Variants in STT3A observed in about 807,000 individuals in gnomAD.
STT3A encodes the protein STT3 oligosaccharyltransferase complex catalytic subunit A.
Under a neutral mutation model 89.2 loss-of-function variants are expected in STT3A, and 34 were observed. The observed-to-expected ratio is 0.38, with a 90% CI of 0.29 to 0.51. STT3A has a LOEUF of 0.51. Ranked by LOEUF, STT3A falls within the 20% of genes least tolerant of loss-of-function variation. The pLI, the probability that STT3A is intolerant of heterozygous loss-of-function variation, is 0.89. For synonymous variants in STT3A, 282 were observed against 310.3 expected, an observed-to-expected ratio of 0.91 and a Z score of 0.96; for missense variants, 555 against 889.5, an observed-to-expected ratio of 0.62 and a Z score of 4.78.
Position 125,620,847 on chromosome 11 carries a change from A to C in STT3A, c.*37A>C. ...AGCTCTGATATGCTTCGCACTGAGCACATCACATTTAGGACGTTGAAGATT... is the reference window on the plus strand; with the variant it reads ...AGCTCTGATATGCTTCGCACTGAGCCCATCACATTTAGGACGTTGAAGATT... On this transcript the variant is annotated 3_prime_UTR_variant, in exon 18 of 18. Transcript: ENST00000392708. 1 of 1,559,278 alleles carries C rather than the reference A, an allele frequency of 6.4e-7. No individual in the cohort carries two copies. The highest frequency in any genetic ancestry group is 8.7e-7 in the Non-Finnish European group (1 of 1,145,034).
At chr11:125,592,638 C>T (rs2135891391), upstream of STT3A, 1 of 386,228 alleles carries the variant, frequency 2.6e-6, no homozygotes, top group South Asian at 1.9e-5. Context: ...GACTCCTACG[C>T]GCCGGCCTAT....
intron 9 of STT3A, 89 bp downstream of exon 9, chr11:125,608,378 G>T (rs1035991261): frequency 1.9e-5 from 25 of 1,338,994 alleles, no homozygotes; most frequent in Non-Finnish European, 2.5e-5. Context: ...GCAGTGGTGC[G>T]ATCTCGGCTC....
At chr11:125,595,461 TC>T (rs893381966) in intron 1 of STT3A, among the ~76,000 whole-genome samples, 27 of 152,106 alleles carry the variant, frequency 1.8e-4, no homozygotes, top group Non-Finnish European at 3.2e-4. Flanking sequence ...ATTTCCTGCT[TC>T]CCCCCCTCCG....
In STT3A at chr11:125,613,353, G is replaced by A. The variant is rs1940082756; in HGVS notation, c.1554+176G>A. On this transcript the variant is annotated intron_variant, in intron 13 of 17. Coordinates refer to ENST00000392708, the MANE Select transcript of STT3A (RefSeq NM_152713.5). The surrounding 1 kb of genome is among the most constrained non-coding windows in gnomAD (Gnocchi z 4.2). ...CCTCCATTCAATTCTGGGATCTTTT[G>A]TAGTTACTCTTACTAGTAATTATCT... Among the ~76,000 whole-genome samples the A allele has an allele frequency of 6.6e-6, 1 of 152,118 alleles. No individual in the cohort carries two copies. Among genetic ancestry groups the A allele is most frequent in the African/African-American group, 2.4e-5 (1 of 41,406 alleles).
At chr11:125,616,473 A>G (rs748011809) in intron 15 of STT3A, among the ~76,000 whole-genome samples, 2 of 152,202 alleles carry the variant, frequency 1.3e-5, no homozygotes, top group Non-Finnish European at 2.9e-5. Context: ...ACCCACAGAT[A>G]TGGAAGGCCA....
intron 5 of STT3A, 78 bp from the exon 6 acceptor site, chr11:125,604,079 A>T (rs904941548): frequency 9.0e-6 from 13 of 1,452,042 alleles, no homozygotes; most frequent in Non-Finnish European, 1.9e-6. Flanking sequence ...CATTATAAAC[A>T]GAATGGACTA....
chr11:125,616,538 T>C (rs1435117204), intron 15 of STT3A, among the ~76,000 whole-genome samples: 1 of 152,258 alleles, frequency 6.6e-6, no homozygotes, highest in Non-Finnish European at 1.5e-5. Context: ...AAATTATTCA[T>C]TGGGCTTTAC....
chr11:125,600,640 G>C (rs962302039), intron 3 of STT3A, among the ~76,000 whole-genome samples: 6 of 152,036 alleles, frequency 3.9e-5, no homozygotes, highest in Non-Finnish European at 5.9e-5. Flanking sequence ...TGGGATTACA[G>C]GTGTTATCTA....
chr11:125,617,942 T>C (rs1404499545), intron 15 of STT3A, among the ~76,000 whole-genome samples: 3 of 152,220 alleles, frequency 2.0e-5, no homozygotes, highest in Non-Finnish European at 4.4e-5. Context: ...TATACCCCCT[T>C]TTGGGGTTTG....
At chr11:125,616,529 A>T (rs972698951) in intron 15 of STT3A, among the ~76,000 whole-genome samples, 2 of 152,228 alleles carry the variant, frequency 1.3e-5, no homozygotes, top group African/African-American at 2.4e-5. Flanking sequence ...TTCAAGGTCA[A>T]ATTATTCATT....
At chr11:125,605,450 T>C (rs1189375898) in intron 6 of STT3A, among the ~76,000 whole-genome samples, 179 bp from the exon 7 acceptor site, 2 of 152,238 alleles carry the variant, frequency 1.3e-5, no homozygotes, top group Non-Finnish European at 2.9e-5. Context: ...CAGAACACTT[T>C]TATGAAGTAG....
Position 125,611,409 on chromosome 11 carries a change from C to T in STT3A, c.1118-19C>T. 6.2e-7 allele frequency: 1 copy of T among 1,607,064 alleles called. No individual in the cohort carries two copies. Among genetic ancestry groups the T allele is most frequent in the Non-Finnish European group, 8.5e-7 (1 of 1,173,988 alleles). ...ACCTACAGGACTCAGCTGCTTATTT[C>T]TCCTTCCCTCTTTTGTAGTTGGCCT... On this transcript the variant is annotated intron_variant, in intron 10 of 17. Transcript: ENST00000392708.
At chr11:125,605,075 A>C (rs1939791847) in intron 6 of STT3A, among the ~76,000 whole-genome samples, 1 of 152,060 alleles carries the variant, frequency 6.6e-6, no homozygotes, top group South Asian at 2.1e-4. Context: ...ACTTCAGCCT[A>C]GTAATAGAGC....
At chr11:125,605,595 C>T (rs1939809785) in intron 6 of STT3A, 34 bp from the exon 7 acceptor site, 3 of 1,527,994 alleles carry the variant, frequency 2.0e-6, no homozygotes, top group Non-Finnish European at 2.7e-6. Context: ...CTAGCCTGGC[C>T]TCTTGTTGAA....
At chr11:125,602,445 T>C in intron 4 of STT3A, 21 bp downstream of exon 4, 1 of 1,545,800 alleles carries the variant, frequency 6.5e-7, no homozygotes, top group African/African-American at 1.4e-5. Flanking sequence ...CAGATGTGTT[T>C]TTTTTTTTAA....
At chr11:125,617,192 G>A (rs866788579) in intron 15 of STT3A, among the ~76,000 whole-genome samples, 30 of 152,250 alleles carry the variant, frequency 2.0e-4, no homozygotes, top group Admixed American at 6.5e-4. Flanking sequence ...GACACTGAAC[G>A]AAGATAGTAA....
At chr11:125,619,501 CTTAAGGGTAT>C (rs1940284253) in intron 16 of STT3A, among the ~76,000 whole-genome samples, 1 of 152,092 alleles carries the variant, frequency 6.6e-6, no homozygotes, top group Admixed American at 6.6e-5. Flanking sequence ...TTTTATTGTC[CTTAAGGGTAT>C]TACAGTGAAG....
At chr11:125,597,266 A>G in intron 3 of STT3A, 147 bp downstream of exon 3, 1 of 824,870 alleles carries the variant, frequency 1.2e-6, no homozygotes, top group South Asian at 1.6e-5. Context: ...ATTCTTCCAA[A>G]GGAGATAATT....
intron 5 of STT3A, among the ~76,000 whole-genome samples, chr11:125,603,874 C>A (rs933935996): frequency 6.6e-6 from 1 of 152,126 alleles, no homozygotes; most frequent in African/African-American, 2.4e-5. Flanking sequence ...AGCCAAACAG[C>A]CCATTCTGGG....
Sources: gnomAD v4.1 joint callset for allele counts (sites outside exome capture counted in the v4.1 genomes callset) on GRCh38, gnomAD v4.1.1 for gene constraint, Gnocchi (gnomAD v3.1) non-coding constraint, MANE v1.5 for transcripts, NCBI Gene and HGNC (gene_info 2026-07-23, HGNC 2026-07-21) for gene names.